CSMD3: variants seen among roughly 807,000 people sequenced by gnomAD.
The protein encoded by CSMD3 is CUB and Sushi multiple domains 3, also known as CUB and sushi domain-containing protein 3.
A neutral mutation model predicts 435.2 loss-of-function variants in CSMD3; 177 were observed. The observed-to-expected ratio is 0.41, with a 90% CI of 0.36 to 0.46. The LOEUF (loss-of-function observed/expected upper bound fraction) is 0.46. Ranked by LOEUF, CSMD3 falls within the 20% of genes least tolerant of loss-of-function variation. The pLI is 0.34. For missense variants in CSMD3, 4,265 were observed against 4,504.6 expected (o/e 0.95, Z 1.52); for synonymous variants, 1,656 against 1,520.5 (o/e 1.09, Z -2.07).
At chr8:113,224,351 G>A (rs1451035348) in intron 3 of CSMD3, among the ~76,000 whole-genome samples, 3 of 150,812 alleles carry the variant, frequency 2.0e-5, no homozygotes, top group East Asian at 1.9e-4. Flanking sequence ...ATCTACAATC[G>A]AGGCTTTACA....
At chr8:112,933,446 C>T (rs1587705141) in intron 9 of CSMD3, among the ~76,000 whole-genome samples, 2 of 152,216 alleles carry the variant, frequency 1.3e-5, no homozygotes, top group East Asian at 3.9e-4. Context: ...TTAGAAAAGA[C>T]ATGGTCTTAT....
rs1339660472 is a variant in CSMD3, at chr8:112,917,505, TA to T, written c.1633+4121del. ...ATTGGGATAAACTTTTGGTACAAGT[TA>T]AAAAAAAAGTTGCTTAAAGGCAAAT... On this transcript the variant is annotated intron_variant, in intron 10 of 70. Transcript: ENST00000297405. 5.3e-5 allele frequency among the ~76,000 whole-genome samples: 8 copies of T among 150,822 alleles called. 1 individual carries two copies. The highest frequency in any genetic ancestry group is 6.8e-3 in the Middle Eastern group (2 of 294).
At chr8:112,801,774 G>T (rs1412020453) in intron 12 of CSMD3, among the ~76,000 whole-genome samples, 1 of 151,898 alleles carries the variant, frequency 6.6e-6, no homozygotes, top group Non-Finnish European at 1.5e-5. Context: ...AGAATAGAAA[G>T]TAAAGTAAAC....
chr8:112,570,060 G>A (rs1829382881), intron 24 of CSMD3, among the ~76,000 whole-genome samples: 1 of 151,720 alleles, frequency 6.6e-6, no homozygotes, highest in Admixed American at 6.5e-5. Context: ...CAGGGTTAGA[G>A]TTGGCCTTAG....
chr8:112,984,439 G>A (rs2085172021), intron 6 of CSMD3, among the ~76,000 whole-genome samples: 2 of 152,004 alleles, frequency 1.3e-5, no homozygotes, highest in South Asian at 4.1e-4. Context: ...GCCATAAAAT[G>A]TAACTATCTG....
chr8:112,519,821 A>G (rs1008512566), intron 27 of CSMD3, among the ~76,000 whole-genome samples: 7 of 152,164 alleles, frequency 4.6e-5, no homozygotes, highest in Non-Finnish European at 2.9e-5. Context: ...AAATGCAGGT[A>G]TAAGACCATA....
At chr8:113,416,181 T>C (rs2129873092) in intron 1 of CSMD3, among the ~76,000 whole-genome samples, 2 of 152,270 alleles carry the variant, frequency 1.3e-5, no homozygotes, top group South Asian at 4.1e-4. Flanking sequence ...AATCTTACTA[T>C]GTCAATTTTC....
chr8:112,481,589 C>T (rs1020352905), intron 31 of CSMD3, among the ~76,000 whole-genome samples: 2 of 152,140 alleles, frequency 1.3e-5, no homozygotes, highest in Admixed American at 6.5e-5. Flanking sequence ...ACTGCTGTAC[C>T]TTACAAAACT....
intron 13 of CSMD3, among the ~76,000 whole-genome samples, chr8:112,701,421 T>C (rs958282472): frequency 6.6e-6 from 1 of 152,160 alleles, no homozygotes; most frequent in Admixed American, 6.6e-5. Flanking sequence ...ACCACAGTTA[T>C]ATATGTAGAA....
At chr8:113,397,155 C>A (rs930909540) in intron 1 of CSMD3, among the ~76,000 whole-genome samples, 1 of 152,070 alleles carries the variant, frequency 6.6e-6, no homozygotes, top group Non-Finnish European at 1.5e-5. Flanking sequence ...ACACACTATG[C>A]CTTACAAACT....
rs1433804259 is a variant in CSMD3, at chr8:113,328,730, C to CTTTT, written c.179-13941_179-13938dup. On this transcript the variant is annotated intron_variant, in intron 1 of 70. Coordinates refer to ENST00000297405, the MANE Select transcript of CSMD3 (RefSeq NM_198123.2). ...TCTTTCTTTCTTTCTTTCCTTCCTT[C>CTTTT]TTTTCTTTTTTTTTTTTTTTTTTTT... Among the ~76,000 whole-genome samples the CTTTT allele has an allele frequency of 3.6e-4, 23 of 64,018 alleles. 1 individual carries two copies. The highest frequency in any genetic ancestry group is 1.5e-3 in the African/African-American group (20 of 12,936). The allele number at this position is 64,018 out of a possible 152,430, so 42.0% of individuals were successfully genotyped here.
chr8:112,795,876 A>T (rs2132310914), intron 13 of CSMD3, among the ~76,000 whole-genome samples: 1 of 152,286 alleles, frequency 6.6e-6, no homozygotes, highest in African/African-American at 2.4e-5. Context: ...GTATACAAAA[A>T]TCAAAAATTT....
chr8:112,524,478 T>C (rs891267930), intron 27 of CSMD3, among the ~76,000 whole-genome samples: 2 of 152,088 alleles, frequency 1.3e-5, no homozygotes, highest in African/African-American at 2.4e-5. Flanking sequence ...ATTTACTAAG[T>C]ACCAAGTACC....
intron 6 of CSMD3, among the ~76,000 whole-genome samples, chr8:113,008,898 A>G (rs188245445): frequency 1.4e-3 from 209 of 151,540 alleles, no homozygotes; most frequent in African/African-American, 4.6e-3. Context: ...GAAAAAAATC[A>G]ATGTTCAATA....
chr8:112,919,808 A>G (rs543616580), intron 10 of CSMD3, among the ~76,000 whole-genome samples: 2 of 151,930 alleles, frequency 1.3e-5, no homozygotes, highest in East Asian at 3.9e-4. Flanking sequence ...CCCTTACAAA[A>G]TGTATTATTC....
chr8:112,926,982 T>C (rs979877005), intron 9 of CSMD3, among the ~76,000 whole-genome samples: 4 of 152,164 alleles, frequency 2.6e-5, no homozygotes, highest in African/African-American at 9.6e-5. Context: ...TGTCCAGGCA[T>C]GACAGATGAT....
chr8:112,340,544 G>A (rs1333910375), intron 42 of CSMD3, among the ~76,000 whole-genome samples: 1 of 152,036 alleles, frequency 6.6e-6, no homozygotes, highest in African/African-American at 2.4e-5. Context: ...TTGAGGAGCT[G>A]AGATACAAAA....
chr8:112,542,420 A>T (rs1586643770), intron 27 of CSMD3, among the ~76,000 whole-genome samples: 1 of 151,828 alleles, frequency 6.6e-6, no homozygotes, highest in African/African-American at 2.4e-5. Context: ...AATCCTAAAG[A>T]CTTTATCAAA....
At chr8:113,102,934 G>T (rs2090371978) in intron 4 of CSMD3, among the ~76,000 whole-genome samples, 1 of 152,130 alleles carries the variant, frequency 6.6e-6, no homozygotes, top group Non-Finnish European at 1.5e-5. Flanking sequence ...GCTCTATGGA[G>T]GGATAAGAGA....
Sources: gnomAD v4.1 joint callset for allele counts (sites outside exome capture counted in the v4.1 genomes callset) on GRCh38, gnomAD v4.1.1 for gene constraint, MANE v1.5 for transcripts, NCBI Gene and HGNC (gene_info 2026-07-23, HGNC 2026-07-21) for gene names.